Variants in LRBA observed in about 807,000 individuals in gnomAD.
The protein encoded by LRBA is LPS responsive beige-like anchor protein.
LRBA carries 176 observed loss-of-function variants against 330.0 expected under a neutral mutation model. The ratio of observed to expected loss-of-function variants is 0.53; its 90% CI spans 0.47 to 0.60. The LOEUF is 0.60. Ranked by LOEUF, LRBA falls within the 20% of genes least tolerant of loss-of-function variation. LRBA has a pLI of 0.00. For synonymous variants in LRBA, 1,230 were observed against 1,193.0 expected (o/e 1.03, Z -0.64); for missense variants, 3,259 against 3,444.8 (o/e 0.95, Z 1.35).
rs573177257 is a variant in LRBA at position 150,402,255 on chromosome 4, T to C, written c.7194+13183A>G. On this transcript the variant is annotated intron_variant, in intron 47 of 56. Coordinates refer to ENST00000651943, the MANE Select transcript of LRBA (RefSeq NM_001364905.1). ...ACGAGATCAGGCACTTTCAGGGTGG[T>C]ACAGCAGTAGACCAAAAAAAAAAAA... is the stretch of plus-strand genomic sequence containing the variant. Among the ~76,000 whole-genome samples the C allele has an allele frequency of 7.4e-5, 11 of 149,536 alleles. 1 individual carries two copies. In the South Asian group the frequency reaches 2.3e-3, roughly 31 times the overall value.
chr4:150,603,305 C>CT (rs1287927235), intron 37 of LRBA, among the ~76,000 whole-genome samples: 1 of 152,128 alleles, frequency 6.6e-6, no homozygotes, highest in Non-Finnish European at 1.5e-5. Flanking sequence ...GTTCTTTGGT[C>CT]TAACTTCAGA....
chr4:150,751,988 T>A (rs1238347106), intron 35 of LRBA, among the ~76,000 whole-genome samples: 1 of 152,184 alleles, frequency 6.6e-6, no homozygotes, highest in Non-Finnish European at 1.5e-5. Flanking sequence ...TCATTTTCAC[T>A]ACTAAACATG....
At chr4:150,954,136 G>A (rs1233469608) in intron 2 of LRBA, among the ~76,000 whole-genome samples, 7 of 148,754 alleles carry the variant, frequency 4.7e-5, no homozygotes, top group African/African-American at 1.2e-4. Context: ...CAGCCGCCCC[G>A]TCGGGGAGGT....
chr4:150,443,874 T>TATATATATATATATA (rs1561185911), intron 44 of LRBA, among the ~76,000 whole-genome samples: 3 of 28,046 alleles, frequency 1.1e-4, no homozygotes, highest in Non-Finnish European at 2.4e-4. Context: ...ATATATATAT[T>TATATATATATATATA]TTTTTTTTTT....
chr4:150,333,950 A>C (rs1210110034), intron 48 of LRBA, among the ~76,000 whole-genome samples: 1 of 152,178 alleles, frequency 6.6e-6, no homozygotes, highest in Non-Finnish European at 1.5e-5. Context: ...AAAATCAGAG[A>C]TGTTTGGATG....
intron 24 of LRBA, among the ~76,000 whole-genome samples, chr4:150,850,411 A>T (rs1750476631): frequency 6.6e-6 from 1 of 152,044 alleles, no homozygotes; most frequent in African/African-American, 2.4e-5. Context: ...ATTATTTTTT[A>T]ATACTTCTAG....
At chr4:150,977,446 T>C (rs568898327) in intron 2 of LRBA, among the ~76,000 whole-genome samples, 14 of 152,202 alleles carry the variant, frequency 9.2e-5, no homozygotes, top group African/African-American at 3.1e-4. Context: ...CCTGGCAGGA[T>C]TGATTACTTG....
At chr4:150,370,306 GGATA>G (rs1242549129) in intron 47 of LRBA, among the ~76,000 whole-genome samples, 1 of 151,996 alleles carries the variant, frequency 6.6e-6, no homozygotes, top group Non-Finnish European at 1.5e-5. Flanking sequence ...GTAGGTGAAT[GGATA>G]AACAAACTAT....
chr4:150,646,695 A>G (rs1779169760), intron 37 of LRBA, among the ~76,000 whole-genome samples: 1 of 152,082 alleles, frequency 6.6e-6, no homozygotes, highest in Admixed American at 6.6e-5. Flanking sequence ...GCAGAAGGAG[A>G]AAATGATCAA....
intron 47 of LRBA, among the ~76,000 whole-genome samples, chr4:150,366,949 C>T (rs373660593): frequency 6.6e-6 from 1 of 152,084 alleles, no homozygotes; most frequent in South Asian, 2.1e-4. Flanking sequence ...AAGGGCCTTC[C>T]CATTCATTTT....
chr4:150,743,922 G>A (rs549207994), intron 35 of LRBA, among the ~76,000 whole-genome samples: 12 of 152,124 alleles, frequency 7.9e-5, no homozygotes, highest in African/African-American at 2.9e-4. Context: ...ACTTTGTTTC[G>A]ATCTCTATTA....
intron 48 of LRBA, among the ~76,000 whole-genome samples, chr4:150,341,163 A>G (rs1735488898): frequency 1.3e-5 from 2 of 152,046 alleles, no homozygotes; most frequent in Admixed American, 6.6e-5. Context: ...AGATCTCACC[A>G]GCCTAGCTGC....
At chr4:150,921,049 T>G (rs1733198376) in intron 5 of LRBA, 149 bp downstream of exon 5, 3 of 505,764 alleles carry the variant, frequency 5.9e-6, no homozygotes. Flanking sequence ...TACAAAAAAG[T>G]AACATGCACG....
intron 17 of LRBA, among the ~76,000 whole-genome samples, chr4:150,876,868 A>G (rs1486616046): frequency 6.6e-6 from 1 of 152,160 alleles, no homozygotes; most frequent in African/African-American, 2.4e-5. Context: ...AATATTAACT[A>G]TGAGTGTAAA....
chr4:150,560,568 T>C (rs114717457), intron 40 of LRBA, among the ~76,000 whole-genome samples: 1 of 152,302 alleles, frequency 6.6e-6, no homozygotes, highest in African/African-American at 2.4e-5. Context: ...ATAGGGTATA[T>C]ACAAATACAA....
chr4:150,535,726 A>C (rs1223015560), intron 40 of LRBA, among the ~76,000 whole-genome samples: 1 of 152,150 alleles, frequency 6.6e-6, no homozygotes, highest in East Asian at 1.9e-4. Flanking sequence ...ACATTTTCCT[A>C]TGTTGTTTCC....
At chr4:150,912,616 C>T (rs1732137579) in intron 9 of LRBA, among the ~76,000 whole-genome samples, 1 of 152,202 alleles carries the variant, frequency 6.6e-6, no homozygotes, top group Non-Finnish European at 1.5e-5. Context: ...GCTGCGCCCC[C>T]ACCACCCGTG....
At chr4:150,418,754 T>C (rs544595670) in intron 46 of LRBA, among the ~76,000 whole-genome samples, 1 of 152,342 alleles carries the variant, frequency 6.6e-6, no homozygotes, top group South Asian at 2.1e-4. Context: ...ATTTCCTTTC[T>C]CAAGAACATT....
intron 40 of LRBA, among the ~76,000 whole-genome samples, chr4:150,526,504 A>T (rs565510530): frequency 6.6e-6 from 1 of 152,332 alleles, no homozygotes; most frequent in African/African-American, 2.4e-5. Context: ...GACAAGCATC[A>T]GTTTCTCAAT....
Sources: allele counts gnomAD v4.1 joint callset (sites outside exome capture counted in the v4.1 genomes callset), GRCh38; gene constraint gnomAD v4.1.1; transcripts MANE v1.5; gene names NCBI Gene and HGNC (gene_info 2026-07-23, HGNC 2026-07-21).